Variants in CIC observed in about 807,000 individuals in gnomAD.
The protein encoded by CIC is protein capicua homolog.
In CIC, 18 loss-of-function variants were observed where a neutral mutation model predicts 115.7. The ratio of observed to expected loss-of-function variants is 0.16; its 90% confidence interval spans 0.11 to 0.23. CIC has a LOEUF of 0.23. CIC is among the 10% of genes least tolerant of loss of function. CIC has a pLI of 1.00. For synonymous variants in CIC, 1,076 were observed against 923.0 expected, an observed-to-expected ratio of 1.17 and a Z score of -3.01; for missense variants, 2,000 against 2,159.3, an observed-to-expected ratio of 0.93 and a Z score of 1.46.
Position 42,280,945 on chromosome 19 carries a change from A to C in CIC, c.2795-5826A>C. On this transcript the variant is annotated intron_variant, in intron 2 of 20. Coordinates refer to ENST00000681038, the MANE Select transcript of CIC (RefSeq NM_001386298.1). The surrounding 1 kb of genome is among the most constrained non-coding windows in gnomAD (Gnocchi z 4.9). Reference sequence around the variant, plus strand: ...CACCCCCGCATCCCACCCATCTCCCAATCCCTGGGGACCATCCCCCACACA... The same window carrying C: ...CACCCCCGCATCCCACCCATCTCCCCATCCCTGGGGACCATCCCCCACACA... 1.3e-5 allele frequency among the ~76,000 whole-genome samples: 1 copy of C among 74,968 alleles called. No individual in the cohort carries two copies. The highest frequency in any genetic ancestry group is 2.7e-5 in the Non-Finnish European group (1 of 36,456). 49.2% of individuals were successfully genotyped at this position (74,968 alleles called of 152,430 possible).
At position 42,292,103 on chromosome 19, in the gene CIC, G is replaced by A. The variant is rs374836593; in HGVS notation, c.5631G>A (p.Pro1877=). 66 of 1,613,722 alleles carry A rather than the reference G, an allele frequency of 4.1e-5. No individual in the cohort carries two copies. Among genetic ancestry groups the A allele is most frequent in the East Asian group, 6.7e-5 (3 of 44,890 alleles). ...QPPSKIIQLT[P]VPVSTPSGLV... ...CTCCACAGATCATCCAGCTGACCCC[G>A]GTGCCTGTGAGCACACCCAGCGGCC... The change falls in exon 13 of 21, where the codon CCG becomes CCA. Residue 1877 remains proline, a synonymous_variant. Coordinates refer to ENST00000681038, the MANE Select transcript of CIC (RefSeq NM_001386298.1).
chr19:42,292,934 C>T, intron 15 of CIC, 22 bp from the exon 16 acceptor site: 1 of 1,613,898 alleles, frequency 6.2e-7, no homozygotes, highest in Non-Finnish European at 8.5e-7. Flanking sequence ...CCTGGCTCAG[C>T]AAACAATTTT....
In CIC at chr19:42,273,975, G is replaced by C; in HGVS notation, c.2192G>C (p.Gly731Ala). The C allele has an allele frequency of 2.5e-6, 1 of 398,852 alleles. No individual in the cohort carries two copies. Among genetic ancestry groups the C allele is most frequent in the African/African-American group, 2.1e-5 (1 of 48,758 alleles). 24.7% of individuals were successfully genotyped at this position (398,852 alleles called of 1,614,324 possible). A position where few individuals can be genotyped will look rare whatever the true frequency, so the allele number is the denominator to read the frequency against. ...GGGGCCTTGGGGGCCCCTGGCGCAG[G>C]GGGTGGAGGAGCCGCCCCAGACTTT... ...HPGALGAPGA[G>A]GGGAAPDFPK... Residue 731 changes from glycine (G) to alanine (A), a missense_variant, in exon 2 of 21, where the codon GGG becomes GCG. Gly to Ala is a moderately conservative substitution (Grantham distance 60). This residue lies in a region of CIC where 222 missense variants were observed against 247.7 expected (regional missense o/e 0.90). Transcript: ENST00000681038.
chr19:42,286,041 T>C (rs2037615458), intron 2 of CIC, among the ~76,000 whole-genome samples: 1 of 152,166 alleles, frequency 6.6e-6, no homozygotes, highest in African/African-American at 2.4e-5. Flanking sequence ...GGCTGGACCC[T>C]GGACTACAGA....
rs1291674857 is a variant in CIC at position 42,290,908 on chromosome 19, G to C, written c.4867G>C (p.Gly1623Arg). ...TAGARTEMGT[G>R]SRVPGGSPLG... ...AGGTGCCAGGACTGAAATGGGCACT[G>C]GGTCTCGGGTGCCTGGGGGCTCCCC... Residue 1623 changes from glycine to arginine, a missense_variant, in exon 11 of 21, where the codon GGG (glycine) becomes CGG (arginine). Physicochemically the swap from Gly to Arg is moderately radical, Grantham distance 125. Around this residue, in one of 8 missense-constraint regions of CIC, gnomAD observed 1,466 missense variants for 1,390.4 expected, o/e 1.05. Coordinates refer to ENST00000681038, the MANE Select transcript of CIC (RefSeq NM_001386298.1). 2 of 1,613,526 alleles carry C rather than the reference G, an allele frequency of 1.2e-6. No homozygotes were observed. The highest frequency in any genetic ancestry group is 3.3e-5 in the Admixed American group (2 of 60,022).
Position 42,293,614 on chromosome 19 carries a change from C to T in CIC, c.6545C>T (p.Ser2182Phe). 6.2e-7 allele frequency: 1 copy of T among 1,613,768 alleles called. No individual in the cohort carries two copies. Among genetic ancestry groups the T allele is most frequent in the Non-Finnish European group, 8.5e-7 (1 of 1,180,022 alleles). Residue 2182 changes from serine to phenylalanine, a missense_variant, in exon 17 of 21, where the codon TCT becomes TTT. By Grantham distance (155) the Ser-to-Phe change is radical. Coordinates refer to ENST00000681038, the MANE Select transcript of CIC (RefSeq NM_001386298.1). The part of the protein sequence containing the change: ...ETMASKFPSS[S>F]SDWRVPGQGL... The stretch of plus-strand genomic sequence containing the variant: ...CAGGCCAGCAAATTCCCCAGCTCAT[C>T]TTCAGACTGGCGCGTCCCTGGGCAG...
chr19:42,289,145 A>C (rs368960431), intron 8 of CIC, 36 bp from the exon 9 acceptor site: 2 of 1,613,082 alleles, frequency 1.2e-6, no homozygotes, highest in African/African-American at 2.7e-5. Flanking sequence ...CCAGGGCAGC[A>C]GCCCCGCTGA....
rs561068202 is a variant in CIC at position 42,289,818 on chromosome 19, C to G, written c.4088-30C>G. On this transcript the variant is annotated intron_variant, in intron 9 of 20. Coordinates refer to ENST00000681038, the MANE Select transcript of CIC (RefSeq NM_001386298.1). Reference sequence around the variant, plus strand: ...CCTGGGTCCCCCTGCATCTAGCCCCCTCCCCATACTGTTCCCTCCACTCCC... The same window carrying G: ...CCTGGGTCCCCCTGCATCTAGCCCCGTCCCCATACTGTTCCCTCCACTCCC... 6.5e-6 allele frequency: 10 copies of G among 1,536,814 alleles called. No homozygotes were observed. The Admixed American group carries it at 1.2e-4, about 18-fold the overall frequency.
At chr19:42,293,369 C>T in intron 16 of CIC, 88 bp downstream of exon 16, 2 of 1,419,580 alleles carry the variant, frequency 1.4e-6, no homozygotes, top group Non-Finnish European at 1.9e-6. Flanking sequence ...ACTCTTCTTT[C>T]CATGCCTGTG....
chr19:42,287,350 G>A lies in CIC; in HGVS notation c.3210G>A (p.Gln1070=), dbSNP rs2037730047. ...TCTCCATCATGTCTCCTGAGATCCA[G>A]TTGCCTCTACCGCCCGGAAAACGTC... The part of the protein sequence containing the change: ...AFLSIMSPEI[Q]LPLPPGKRRT... The change falls in exon 5 of 21, where the codon CAG becomes CAA. Residue 1070 remains glutamine (Q), a synonymous_variant. Coordinates refer to ENST00000681038, the MANE Select transcript of CIC (RefSeq NM_001386298.1). The surrounding 1 kb of genome is among the most constrained non-coding windows in gnomAD (Gnocchi z 8.7). 1 of 1,614,154 alleles carries A rather than the reference G, an allele frequency of 6.2e-7. No individual in the cohort carries two copies. Among genetic ancestry groups the A allele is most frequent in the Non-Finnish European group, 8.5e-7 (1 of 1,180,034 alleles).
rs2037864836 is a variant in CIC at position 42,288,944 on chromosome 19, G to C, written c.3715G>C (p.Ala1239Pro). Residue 1239 changes from alanine (A) to proline (P), a missense_variant, in exon 8 of 21, where the codon GCT becomes CCT. Around this residue, in one of 8 missense-constraint regions of CIC, gnomAD observed 1,466 missense variants for 1,390.4 expected, o/e 1.05. Coordinates refer to ENST00000681038, the MANE Select transcript of CIC (RefSeq NM_001386298.1). The part of the protein sequence containing the change: ...AQTLLSSDTK[A>P]PGSSSCGAER... Reference sequence around the variant, plus strand: ...GACACTCCTGAGCTCAGACACCAAGGCTCCGGGGAGCAGCTCCTGTGGGGC... The same window carrying C: ...GACACTCCTGAGCTCAGACACCAAGCCTCCGGGGAGCAGCTCCTGTGGGGC... 6.2e-7 allele frequency: 1 copy of C among 1,614,000 alleles called. No homozygotes were observed. Among genetic ancestry groups the C allele is most frequent in the African/African-American group, 1.3e-5 (1 of 74,928 alleles).
chr19:42,273,390 C>A lies in CIC; in HGVS notation c.1607C>A (p.Ala536Glu). The stretch of plus-strand genomic sequence containing the variant: ...CGAACCAAAGAGATGGAAGGCCTGG[C>A]AGACAGTGGGCCTGGCGGGGCGGGC... ...SMRTKEMEGL[A>E]DSGPGGAGRP... The change falls in exon 2 of 21, where the codon GCA becomes GAA. Residue 536 changes from alanine to glutamate, a missense_variant. This residue lies in a region of CIC where 222 missense variants were observed against 247.7 expected (regional missense o/e 0.90). Transcript: ENST00000681038. 1 of 398,490 alleles carries A rather than the reference C, an allele frequency of 2.5e-6. No individual in the cohort carries two copies. The highest frequency in any genetic ancestry group is 4.4e-6 in the Non-Finnish European group (1 of 225,960). 24.7% of individuals were successfully genotyped at this position (398,490 alleles called of 1,614,324 possible).
At chr19:42,294,765 T>C (rs750205551) in intron 20 of CIC, 30 bp downstream of exon 20, 2 of 1,611,222 alleles carry the variant, frequency 1.2e-6, no homozygotes, top group African/African-American at 2.7e-5. Flanking sequence ...TTGGGGTCAC[T>C]CGGGTGGGAC....
intron 2 of CIC, among the ~76,000 whole-genome samples, chr19:42,285,082 C>A (rs775290521): frequency 6.6e-6 from 1 of 152,082 alleles, no homozygotes; most frequent in African/African-American, 2.4e-5. Context: ...AGCACGAGAC[C>A]TGCTGGTCCT....
In CIC at chr19:42,295,261, G is replaced by C. The variant is rs1271542864; in HGVS notation, c.*70G>C. On this transcript the variant is annotated 3_prime_UTR_variant, in exon 21 of 21. Coordinates refer to ENST00000681038, the MANE Select transcript of CIC (RefSeq NM_001386298.1). ...CATGGACAGTATGTGGGGGCAGGAAGGTTATCTCCTCCCGGGTAAAGCCAT... is the reference window on the plus strand; with the variant it reads ...CATGGACAGTATGTGGGGGCAGGAACGTTATCTCCTCCCGGGTAAAGCCAT... 2 of 1,362,506 alleles carry C rather than the reference G, an allele frequency of 1.5e-6. No homozygotes were observed. Among genetic ancestry groups the C allele is most frequent in the Admixed American group, 2.1e-5 (1 of 48,122 alleles). 84.4% of individuals were successfully genotyped at this position (1,362,506 alleles called of 1,614,324 possible).
chr19:42,293,750 C>T lies in CIC; in HGVS notation c.6681C>T (p.Thr2227=). ...ESSSGRAAGD[T]PERKEAAGTG... ...GCAGTGGGCGGGCAGCCGGGGACAC[C>T]CCGGAGCGCAAGGAGGCGGCTGGTA... is the stretch of plus-strand genomic sequence containing the variant. Residue 2227 remains threonine, a synonymous_variant, in exon 17 of 21, where the codon ACC becomes ACT. Transcript: ENST00000681038. The T allele has an allele frequency of 1.2e-6, 2 of 1,612,872 alleles. No homozygotes were observed. Among genetic ancestry groups the T allele is most frequent in the Non-Finnish European group, 1.7e-6 (2 of 1,179,800 alleles).
intron 2 of CIC, among the ~76,000 whole-genome samples, chr19:42,277,507 G>A (rs1223230381): frequency 6.6e-6 from 1 of 152,168 alleles, no homozygotes; most frequent in Non-Finnish European, 1.5e-5. Context: ...TGGGATTACA[G>A]GCTTGGGTCA....
chr19:42,290,627 C>T lies in CIC; in HGVS notation c.4586C>T (p.Pro1529Leu). 6.2e-7 allele frequency: 1 copy of T among 1,613,778 alleles called. No individual in the cohort carries two copies. The highest frequency in any genetic ancestry group is 8.5e-7 in the Non-Finnish European group (1 of 1,179,994). Residue 1529 changes from proline to leucine, a missense_variant, in exon 11 of 21, where the codon CCT becomes CTT. Physicochemically the swap from Pro to Leu is moderately conservative, Grantham distance 98. This residue lies in a region of CIC where 1,466 missense variants were observed against 1,390.4 expected (regional missense o/e 1.05). Transcript: ENST00000681038. ...CCAGGCCCCTCAGTCATCGCGGCCC[C>T]TCCCAGCGGAGGAGGAAACATCCTG... Reference protein sequence around the residue: ...EPPGPSVIAAPPSGGGNILQT... With the variant: ...EPPGPSVIAALPSGGGNILQT...
rs1396799566 is a variant in CIC at position 42,274,480 on chromosome 19, C to T, written c.2697C>T (p.His899=). 4 of 398,858 alleles carry T rather than the reference C, an allele frequency of 1.0e-5. No individual in the cohort carries two copies. The highest frequency in any genetic ancestry group is 6.2e-4 in the Middle Eastern group (1 of 1,612). 24.7% of individuals were successfully genotyped at this position (398,858 alleles called of 1,614,324 possible). The change falls in exon 2 of 21, where the codon CAC becomes CAT. Residue 899 remains histidine (H), a synonymous_variant. Coordinates refer to ENST00000681038, the MANE Select transcript of CIC (RefSeq NM_001386298.1). The part of the protein sequence containing the change: ...ASSPFQPVAF[H]PSPAALLPVL... ...CACCCTTTCAGCCTGTGGCCTTCCA[C>T]CCCTCACCTGCTGCCCTGTTGCCCG...
Sources: allele counts gnomAD v4.1 joint callset (sites outside exome capture counted in the v4.1 genomes callset), GRCh38; gene constraint gnomAD v4.1.1; regional missense constraint gnomAD v4.1.1; non-coding constraint Gnocchi (gnomAD v3.1); transcripts MANE v1.5; gene names NCBI Gene and HGNC (gene_info 2026-07-23, HGNC 2026-07-21).